PLPP4: variants seen among roughly 807,000 people sequenced by gnomAD.
The protein encoded by PLPP4 is diacylglycerol pyrophosphate like 2.
A neutral mutation model predicts 32.2 loss-of-function variants in PLPP4; 20 were observed. That is an observed-to-expected ratio of 0.62 (90% CI 0.44 to 0.90). PLPP4 has a LOEUF of 0.90. PLPP4 is among the 40% of genes least tolerant of loss of function. The probability of loss-of-function intolerance (pLI) is 0.00; values close to 1 mark genes in which losing one functional copy is unlikely to be tolerated. For missense variants in PLPP4, 257 were observed against 353.1 expected, an observed-to-expected ratio of 0.73 and a Z score of 2.18; for synonymous variants, 127 against 133.0, an observed-to-expected ratio of 0.95 and a Z score of 0.31.
chr10:120,507,386 ATT>A (rs1343120458), intron 2 of PLPP4, among the ~76,000 whole-genome samples: 15 of 131,958 alleles, frequency 1.1e-4, no homozygotes, highest in African/African-American at 2.8e-4. Flanking sequence ...CATCATCATC[ATT>A]ATCATCATCA....
chr10:120,520,227 C>G (rs10510071), intron 4 of PLPP4, among the ~76,000 whole-genome samples: 79,120 of 151,874 alleles, frequency 0.52, 21,051 homozygotes, highest in East Asian at 0.68. Context: ...TTCCCATGTC[C>G]TAGACCAGAG....
chr10:120,501,049 C>T (rs1845226940), intron 1 of PLPP4, among the ~76,000 whole-genome samples: 1 of 152,064 alleles, frequency 6.6e-6, no homozygotes, highest in Admixed American at 6.5e-5. Context: ...GCAGGGGTTC[C>T]AGCTCCTGCC....
At chr10:120,497,766 G>T (rs2478421) in intron 1 of PLPP4, among the ~76,000 whole-genome samples, 142,230 of 152,176 alleles carry the variant, frequency 0.93, 66,667 homozygotes, top group Middle Eastern at 0.98. Context: ...TCCGGCCAGG[G>T]GCGGCGGCTC....
chr10:120,554,914 G>A (rs948359451), intron 5 of PLPP4, among the ~76,000 whole-genome samples: 7 of 152,070 alleles, frequency 4.6e-5, no homozygotes, highest in Non-Finnish European at 1.0e-4. Context: ...ATTTGGGTGG[G>A]AACACAAATC....
intron 2 of PLPP4, among the ~76,000 whole-genome samples, chr10:120,508,178 T>C (rs151198075): frequency 1.3e-5 from 2 of 152,282 alleles, no homozygotes; most frequent in African/African-American, 4.8e-5. Context: ...AATAAAGTCA[T>C]TTTGGGGAGG....
At chr10:120,525,160 A>G (rs57611106) in intron 5 of PLPP4, among the ~76,000 whole-genome samples, 14,822 of 152,164 alleles carry the variant, frequency 0.097, 1,374 homozygotes, top group African/African-American at 0.24. Flanking sequence ...TCACTTTACA[A>G]TGGCCATGTT....
At chr10:120,464,778 C>T (rs1364141745) in intron 1 of PLPP4, among the ~76,000 whole-genome samples, 2 of 152,200 alleles carry the variant, frequency 1.3e-5, no homozygotes, top group Non-Finnish European at 2.9e-5. Context: ...GCACACAGGG[C>T]TCAATTAGAA....
At chr10:120,586,028 G>C (rs1849736490) in intron 6 of PLPP4, among the ~76,000 whole-genome samples, 1 of 151,806 alleles carries the variant, frequency 6.6e-6, no homozygotes. Flanking sequence ...ACAATTATTT[G>C]GTCTCTCCCA....
chr10:120,502,221 C>A (rs1845289178), intron 1 of PLPP4, among the ~76,000 whole-genome samples: 1 of 152,154 alleles, frequency 6.6e-6, no homozygotes, highest in South Asian at 2.1e-4. Flanking sequence ...GCCTGTGTAC[C>A]AGGCAGAGGC....
At chr10:120,497,868 G>T (rs922119147) in intron 1 of PLPP4, among the ~76,000 whole-genome samples, 2 of 151,818 alleles carry the variant, frequency 1.3e-5, no homozygotes, top group Admixed American at 1.3e-4. Flanking sequence ...GTGAAACCCC[G>T]TCTCTACTAA....
At position 120,551,053 on chromosome 10, in the gene PLPP4, T is replaced by TA. The variant is rs200615473; in HGVS notation, c.446-24071dup. ...ATAAAGAGTATGTACAGATCAGCAA[T>TA]AAAAAAAGCCCAATACAAATGTAGG... On this transcript the variant is annotated intron_variant, in intron 5 of 6. Transcript: ENST00000398250. 4.5e-3 allele frequency among the ~76,000 whole-genome samples: 680 copies of TA among 151,836 alleles called. 6 individuals are homozygous for TA. The highest frequency in any genetic ancestry group is 0.016 in the African/African-American group (646 of 41,418).
intron 5 of PLPP4, among the ~76,000 whole-genome samples, chr10:120,565,127 A>G (rs1391044500): frequency 6.6e-6 from 1 of 152,154 alleles, no homozygotes; most frequent in Non-Finnish European, 1.5e-5. Flanking sequence ...GTTCTAACCT[A>G]TTTGACAATG....
intron 5 of PLPP4, among the ~76,000 whole-genome samples, chr10:120,565,226 A>G (rs1225840152): frequency 1.3e-5 from 2 of 152,002 alleles, no homozygotes; most frequent in East Asian, 3.9e-4. Context: ...CAGATATGCC[A>G]GTATCTTTGC....
chr10:120,466,716 T>C (rs1415468774), intron 1 of PLPP4, among the ~76,000 whole-genome samples: 1 of 151,920 alleles, frequency 6.6e-6, no homozygotes, highest in Non-Finnish European at 1.5e-5. Flanking sequence ...CTGACTTTGC[T>C]GATTTTAGAG....
At chr10:120,479,999 C>T (rs1009645940) in intron 1 of PLPP4, among the ~76,000 whole-genome samples, 5 of 152,254 alleles carry the variant, frequency 3.3e-5, no homozygotes, top group South Asian at 4.1e-4. Flanking sequence ...GCTGATAATC[C>T]GATAAGGCCT....
intron 2 of PLPP4, among the ~76,000 whole-genome samples, chr10:120,508,526 C>T (rs1402599685): frequency 6.6e-6 from 1 of 152,192 alleles, no homozygotes; most frequent in Admixed American, 6.5e-5. Flanking sequence ...CCTTGGCATC[C>T]TCATGCCCTC....
chr10:120,497,935 G>T (rs1589767811), intron 1 of PLPP4, among the ~76,000 whole-genome samples: 1 of 152,176 alleles, frequency 6.6e-6, no homozygotes, highest in East Asian at 1.9e-4. Context: ...AGCTACTCGG[G>T]AGCCTGAGGC....
chr10:120,479,990 C>A (rs1844122459), intron 1 of PLPP4, among the ~76,000 whole-genome samples: 1 of 152,210 alleles, frequency 6.6e-6, no homozygotes, highest in Non-Finnish European at 1.5e-5. Context: ...TGATTTGCAG[C>A]TGATAATCCG....
intron 5 of PLPP4, among the ~76,000 whole-genome samples, chr10:120,571,231 C>T (rs981603946): frequency 2.6e-4 from 39 of 151,708 alleles, no homozygotes; most frequent in Non-Finnish European, 4.9e-4. Context: ...GAGTTTTCTA[C>T]TTATATTTCT....
Sources: allele counts gnomAD v4.1 joint callset (sites outside exome capture counted in the v4.1 genomes callset), GRCh38; gene constraint gnomAD v4.1.1; transcripts MANE v1.5; gene names NCBI Gene and HGNC (gene_info 2026-07-23, HGNC 2026-07-21).